The following C9 variants were observed in gnomAD, a reference collection of about 807,000 sequenced individuals.
The protein encoded by C9 is complement component C9.
In C9, 63 loss-of-function variants were observed where a neutral mutation model predicts 65.4. The observed-to-expected ratio is 0.96, with a 90% CI of 0.79 to 1.19. C9 has a LOEUF of 1.19. Among genes scored for constraint, C9 ranks in the 50% most tolerant of loss-of-function variants. C9 has a pLI of 0.00. For missense variants in C9, 744 were observed against 670.1 expected (o/e 1.11, Z -1.22); for synonymous variants, 229 against 227.9 (o/e 1.00, Z -0.04).
chr5:39,311,677 A>C (rs1448861340), intron 6 of C9, among the ~76,000 whole-genome samples: 3 of 152,068 alleles, frequency 2.0e-5, no homozygotes, highest in Non-Finnish European at 4.4e-5. Context: ...CAGCAATTCC[A>C]CTCCTACATA....
chr5:39,336,752 G>C (rs1180578680), intron 4 of C9, among the ~76,000 whole-genome samples: 1 of 151,990 alleles, frequency 6.6e-6, no homozygotes, highest in Non-Finnish European at 1.5e-5. Flanking sequence ...AAGTAGATAA[G>C]AATAAAAGAA....
chr5:39,316,030 C>G lies in C9; in HGVS notation c.616-1G>C. On this transcript the variant is annotated splice_acceptor_variant, in intron 5 of 10. Transcript: ENST00000263408. LOFTEE classifies it high-confidence loss of function. ...TTCTGAAATTTTTCTCGCCTTTGGT[C>G]TAAAAGAGAATAAAAAAGTGTTGTT... 1 of 1,609,398 alleles carries G rather than the reference C, an allele frequency of 6.2e-7. No homozygotes were observed. The highest frequency in any genetic ancestry group is 8.5e-7 in the Non-Finnish European group (1 of 1,177,102).
At chr5:39,287,984 AT>A (rs922331797) in intron 10 of C9, among the ~76,000 whole-genome samples, 19 of 152,010 alleles carry the variant, frequency 1.2e-4, no homozygotes, top group African/African-American at 4.3e-4. Context: ...TAATAAAAAT[AT>A]TTTTAATGTA....
intron 9 of C9, among the ~76,000 whole-genome samples, chr5:39,302,602 A>C (rs1376618454): frequency 6.6e-6 from 1 of 152,158 alleles, no homozygotes; most frequent in Non-Finnish European, 1.5e-5. Flanking sequence ...CGGGTTAATT[A>C]ATTCATGAAT....
intron 1 of C9, among the ~76,000 whole-genome samples, chr5:39,349,176 A>C (rs1243034402): frequency 1.5e-5 from 2 of 130,402 alleles, no homozygotes; most frequent in East Asian, 4.1e-4. Context: ...TATAATAAAC[A>C]AAAAAGGAAA....
intron 5 of C9, among the ~76,000 whole-genome samples, chr5:39,325,924 C>A (rs1459832065): frequency 3.3e-5 from 5 of 152,244 alleles, no homozygotes; most frequent in Non-Finnish European, 7.4e-5. Context: ...CCCTCAAACT[C>A]AAAATTACCA....
At chr5:39,315,318 A>T (rs549766011) in intron 6 of C9, among the ~76,000 whole-genome samples, 1 of 152,322 alleles carries the variant, frequency 6.6e-6, no homozygotes, top group African/African-American at 2.4e-5. Flanking sequence ...CAAAGTCTCA[A>T]ACGTATGATT....
At chr5:39,352,306 A>G (rs1049722160) in intron 1 of C9, among the ~76,000 whole-genome samples, 2 of 152,224 alleles carry the variant, frequency 1.3e-5, no homozygotes, top group African/African-American at 4.8e-5. Flanking sequence ...GCCAAACCAT[A>G]TCAGACACCC....
intron 1 of C9, among the ~76,000 whole-genome samples, chr5:39,345,847 G>T (rs1309503194): frequency 6.6e-6 from 1 of 152,174 alleles, no homozygotes; most frequent in African/African-American, 2.4e-5. Flanking sequence ...AATCCAACTA[G>T]AACTCAGGAA....
intron 1 of C9, among the ~76,000 whole-genome samples, chr5:39,354,935 G>T (rs1289863241): frequency 6.6e-6 from 1 of 152,036 alleles, no homozygotes; most frequent in African/African-American, 2.4e-5. Flanking sequence ...GAACATCATT[G>T]GTTTCAGGAA....
At chr5:39,322,490 A>G (rs1753680634) in intron 5 of C9, among the ~76,000 whole-genome samples, 1 of 152,142 alleles carries the variant, frequency 6.6e-6, no homozygotes, top group East Asian at 1.9e-4. Context: ...AATAAAGATC[A>G]GAGCAGAAAT....
intron 1 of C9, among the ~76,000 whole-genome samples, chr5:39,350,832 AC>A (rs1308555578): frequency 6.6e-6 from 1 of 152,126 alleles, no homozygotes; most frequent in Non-Finnish European, 1.5e-5. Flanking sequence ...TGGTGGATCT[AC>A]CAATCTGGGG....
intron 9 of C9, among the ~76,000 whole-genome samples, chr5:39,302,115 T>G (rs1291286984): frequency 2.0e-5 from 3 of 152,104 alleles, no homozygotes; most frequent in Non-Finnish European, 4.4e-5. Flanking sequence ...ATGAAGGACA[T>G]GCAATGGCAA....
At chr5:39,353,159 T>C (rs1055585990) in intron 1 of C9, among the ~76,000 whole-genome samples, 2 of 152,232 alleles carry the variant, frequency 1.3e-5, no homozygotes, top group Admixed American at 6.5e-5. Flanking sequence ...CACAGGCAGC[T>C]GTAGAATCTG....
At chr5:39,336,352 AC>A (rs1295671915) in intron 4 of C9, among the ~76,000 whole-genome samples, 1 of 151,970 alleles carries the variant, frequency 6.6e-6, no homozygotes, top group Non-Finnish European at 1.5e-5. Context: ...CAGAATTTTA[AC>A]CTAATGTAAT....
intron 4 of C9, among the ~76,000 whole-genome samples, chr5:39,338,805 C>G (rs564395087): frequency 6.6e-6 from 1 of 152,302 alleles, no homozygotes; most frequent in South Asian, 2.1e-4. Flanking sequence ...TTAAGAATTC[C>G]TAGCTAGCCC....
intron 10 of C9, 60 bp from the exon 11 acceptor site, chr5:39,285,293 T>A: frequency 1.5e-6 from 2 of 1,346,498 alleles, no homozygotes; most frequent in Non-Finnish European, 2.1e-6. Flanking sequence ...TTTGGGTCCA[T>A]CCACCCATCC....
chr5:39,310,090 G>A (rs1753453439), intron 7 of C9, among the ~76,000 whole-genome samples: 1 of 152,118 alleles, frequency 6.6e-6, no homozygotes, highest in Admixed American at 6.6e-5. Flanking sequence ...CCCCGGGAAA[G>A]CTTCTCTCTG....
chr5:39,331,709 T>C lies in C9; in HGVS notation c.582A>G (p.Arg194=), dbSNP rs1234295631. Residue 194 remains arginine, a synonymous_variant, in exon 5 of 11, where the codon CGA becomes CGG. Transcript: ENST00000263408. The stretch of plus-strand genomic sequence containing the variant: ...TCAAAGAAGCCACGTTCCAAGGTCT[T>C]CGGTAGTATGTCAGAGTGTTTCCAT... ...DRDGNTLTYY[R]RPWNVASLIY... is the part of the protein sequence containing the mutation. 6.2e-7 allele frequency: 1 copy of C among 1,613,880 alleles called. No individual in the cohort carries two copies. Among genetic ancestry groups the C allele is most frequent in the Non-Finnish European group, 8.5e-7 (1 of 1,179,858 alleles).
Sources: gnomAD v4.1 joint callset for allele counts (sites outside exome capture counted in the v4.1 genomes callset) on GRCh38, gnomAD v4.1.1 for gene constraint, MANE v1.5 for transcripts, NCBI Gene and HGNC (gene_info 2026-07-23, HGNC 2026-07-21) for gene names.